The following ENAH variants were observed in gnomAD, a reference collection of about 807,000 sequenced individuals.
ENAH encodes ENAH actin regulator, also known as protein enabled homolog.
ENAH carries 23 observed loss-of-function variants against 78.7 expected under a neutral mutation model. The ratio of observed to expected loss-of-function variants is 0.29; its 90% CI spans 0.21 to 0.41. The LOEUF is 0.41. Among genes scored for constraint, ENAH ranks in the 10% least tolerant of loss-of-function variants. The probability of loss-of-function intolerance (pLI) is 1.00; values close to 1 mark genes in which losing one functional copy is unlikely to be tolerated. For missense variants in ENAH, 544 were observed against 691.0 expected, an observed-to-expected ratio of 0.79 and a Z score of 2.39; for synonymous variants, 226 against 241.0, an observed-to-expected ratio of 0.94 and a Z score of 0.58.
At chr1:225,588,801 C>T (rs1459256047) in intron 1 of ENAH, among the ~76,000 whole-genome samples, 7 of 78,430 alleles carry the variant, frequency 8.9e-5, no homozygotes, top group South Asian at 4.2e-4. Context: ...AAGTCTGTGT[C>T]AAAAAAAAAA....
At chr1:225,515,179 G>T in intron 6 of ENAH, 1 of 376,568 alleles carries the variant, frequency 2.7e-6, no homozygotes, top group East Asian at 5.7e-5. Context: ...TGGGGATTTG[G>T]TAAATAAGCA....
intron 1 of ENAH, chr1:225,581,373 A>C: frequency 1.2e-6 from 1 of 815,454 alleles, no homozygotes; most frequent in African/African-American, 1.8e-5. Context: ...TTTAGCTATA[A>C]AGGCACCAGG....
chr1:225,587,234 G>T (rs1240468208), intron 1 of ENAH, among the ~76,000 whole-genome samples: 1 of 151,976 alleles, frequency 6.6e-6, no homozygotes, highest in African/African-American at 2.4e-5. Context: ...GGACAGAAAG[G>T]GAAAATAGCC....
At chr1:225,587,657 T>C (rs1162275076) in intron 1 of ENAH, among the ~76,000 whole-genome samples, 2 of 152,086 alleles carry the variant, frequency 1.3e-5, no homozygotes, top group South Asian at 2.1e-4. Flanking sequence ...AAACTAATTA[T>C]AATATTCATA....
intron 1 of ENAH, among the ~76,000 whole-genome samples, chr1:225,604,870 T>C (rs2148046235): frequency 6.6e-6 from 1 of 152,244 alleles, no homozygotes; most frequent in South Asian, 2.1e-4. Flanking sequence ...ACATTAAAGC[T>C]AGCTAGTAAA....
intron 1 of ENAH, among the ~76,000 whole-genome samples, chr1:225,593,398 TGTGGGGGGGGGGGGG>T (rs1403208250): frequency 4.2e-4 from 1 of 2,402 alleles, no homozygotes; most frequent in Non-Finnish European, 1.1e-3. Context: ...CCTGTGTGTG[TGTGGGGGGGGGGGGG>T]GGGGTGGGGG....
intron 1 of ENAH, among the ~76,000 whole-genome samples, chr1:225,601,367 A>C (rs1209125173): frequency 6.6e-6 from 1 of 151,976 alleles, no homozygotes; most frequent in Non-Finnish European, 1.5e-5. Context: ...AAATACAAAA[A>C]ATTAGCCGGG....
chr1:225,525,896 G>A (rs1164906312), intron 4 of ENAH, among the ~76,000 whole-genome samples: 2 of 151,910 alleles, frequency 1.3e-5, no homozygotes, highest in Non-Finnish European at 2.9e-5. Flanking sequence ...GGAGGTCTTT[G>A]TTTTTTTCCC....
At chr1:225,619,373 T>C (rs959076339) in intron 1 of ENAH, among the ~76,000 whole-genome samples, 2 of 152,086 alleles carry the variant, frequency 1.3e-5, no homozygotes, top group Non-Finnish European at 2.9e-5. Context: ...TAAAACCCTG[T>C]TTCTACTAAA....
chr1:225,549,984 ATC>A (rs2096633824), intron 3 of ENAH, among the ~76,000 whole-genome samples: 6 of 152,126 alleles, frequency 3.9e-5, no homozygotes, highest in Non-Finnish European at 7.3e-5. Flanking sequence ...TTTATTTAGC[ATC>A]CTTCAATGAC....
intron 1 of ENAH, among the ~76,000 whole-genome samples, chr1:225,578,692 C>T (rs1445681055): frequency 6.6e-6 from 1 of 152,110 alleles, no homozygotes; most frequent in East Asian, 1.9e-4. Context: ...AAAATTAAAA[C>T]CAACAGTTTC....
chr1:225,583,610 T>A (rs1045791405), intron 1 of ENAH, among the ~76,000 whole-genome samples: 2 of 150,548 alleles, frequency 1.3e-5, no homozygotes, highest in African/African-American at 4.9e-5. Context: ...CAGGAGTTCA[T>A]GACCAGCCTA....
At chr1:225,515,140 G>A in intron 6 of ENAH, 1 of 461,788 alleles carries the variant, frequency 2.2e-6, no homozygotes, top group Non-Finnish European at 3.8e-6. Context: ...CTATGCAACA[G>A]ATCATCTAAT....
chr1:225,565,328 T>C (rs2096729116), intron 2 of ENAH, among the ~76,000 whole-genome samples: 1 of 151,684 alleles, frequency 6.6e-6, no homozygotes, highest in African/African-American at 2.4e-5. Flanking sequence ...CCAGCTACTC[T>C]GGAGGCTGAG....
intron 12 of ENAH, among the ~76,000 whole-genome samples, chr1:225,499,366 C>A (rs546695424): frequency 6.6e-6 from 1 of 152,050 alleles, no homozygotes; most frequent in Non-Finnish European, 1.5e-5. Context: ...GTGCTCTGGG[C>A]CCTCCTTCAA....
chr1:225,629,347 A>C (rs1414994971), intron 1 of ENAH, among the ~76,000 whole-genome samples: 1 of 151,836 alleles, frequency 6.6e-6, no homozygotes, highest in African/African-American at 2.4e-5. Flanking sequence ...GCACTTTGGG[A>C]GGCCAAGGCA....
At chr1:225,645,484 C>T (rs1466985796) in intron 1 of ENAH, among the ~76,000 whole-genome samples, 2 of 152,098 alleles carry the variant, frequency 1.3e-5, no homozygotes, top group South Asian at 2.1e-4. Flanking sequence ...TTATGAATAA[C>T]GATACTATAG....
chr1:225,644,008 C>T (rs1661525993), intron 1 of ENAH, among the ~76,000 whole-genome samples: 1 of 151,940 alleles, frequency 6.6e-6, no homozygotes. Context: ...ACAAAATACA[C>T]AATACAAATA....
chr1:225,570,215 T>A (rs1393603304), intron 1 of ENAH, among the ~76,000 whole-genome samples: 1 of 150,378 alleles, frequency 6.6e-6, no homozygotes, highest in Non-Finnish European at 1.5e-5. Context: ...GAAGCCCCCA[T>A]CAAGGCCCAG....
Sources: gnomAD v4.1 joint callset for allele counts (sites outside exome capture counted in the v4.1 genomes callset) on GRCh38, gnomAD v4.1.1 for gene constraint, MANE v1.5 for transcripts, NCBI Gene and HGNC (gene_info 2026-07-23, HGNC 2026-07-21) for gene names.